SMG7: variants seen among roughly 807,000 people sequenced by gnomAD.
The protein encoded by SMG7 is nonsense-mediated mRNA decay factor SMG7.
Under a neutral mutation model 148.2 loss-of-function variants are expected in SMG7, and 34 were observed. That is an observed-to-expected ratio of 0.23 (90% CI 0.17 to 0.31). The LOEUF is 0.31. Among genes scored for constraint, SMG7 ranks in the 10% least tolerant of loss-of-function variants. The pLI, the probability that SMG7 is intolerant of heterozygous loss-of-function variation, is 1.00. For missense variants in SMG7, 1,114 were observed against 1,408.4 expected, an observed-to-expected ratio of 0.79 and a Z score of 3.35; for synonymous variants, 492 against 515.1, an observed-to-expected ratio of 0.96 and a Z score of 0.61.
At position 183,516,640 on chromosome 1, in the gene SMG7, G is replaced by A. The variant is rs1035124462; in HGVS notation, c.179+649G>A. 4.6e-5 allele frequency among the ~76,000 whole-genome samples: 7 copies of A among 152,180 alleles called. No individual in the cohort carries two copies. The South Asian group carries it at 1.4e-3, about 32-fold the overall frequency. On this transcript the variant is annotated intron_variant, in intron 3 of 22. Coordinates refer to ENST00000688051, the MANE Select transcript of SMG7 (RefSeq NM_001375584.1). ...ATAGAAATTTAAAAATCAATTAAGA[G>A]TACTTTGTCTACTAATGTCCGTTAC...
intron 17 of SMG7, among the ~76,000 whole-genome samples, chr1:183,546,635 G>A (rs1190426276): frequency 6.6e-6 from 1 of 152,124 alleles, no homozygotes; most frequent in East Asian, 1.9e-4. Flanking sequence ...CCTCTCAGTT[G>A]GGCTGAATCA....
chr1:183,501,580 T>C (rs1265364046), intron 1 of SMG7, among the ~76,000 whole-genome samples: 1 of 152,244 alleles, frequency 6.6e-6, no homozygotes, highest in East Asian at 1.9e-4. Context: ...TGACTTGATT[T>C]ACACCTGACA....
chr1:183,549,262 T>A lies in SMG7; in HGVS notation c.2947T>A (p.Ser983Thr). 6.2e-7 allele frequency: 1 copy of A among 1,613,590 alleles called. No individual in the cohort carries two copies. Among genetic ancestry groups the A allele is most frequent in the Non-Finnish European group, 8.5e-7 (1 of 1,179,562 alleles). ...ELMSHSSSFL[S>T]LTGFSLNQER... ...CATGTCACATTCATCCTCTTTCCTG[T>A]CCCTCACCGGATTCTCTCTCAATCA... Residue 983 changes from serine to threonine, a missense_variant, in exon 19 of 23, where the codon TCC (serine) becomes ACC (threonine). Coordinates refer to ENST00000688051, the MANE Select transcript of SMG7 (RefSeq NM_001375584.1).
At position 183,552,413 on chromosome 1, in the gene SMG7, A is replaced by T; in HGVS notation, c.*482A>T. On this transcript the variant is annotated 3_prime_UTR_variant, in exon 23 of 23. Coordinates refer to ENST00000688051, the MANE Select transcript of SMG7 (RefSeq NM_001375584.1). ...ATCTTTTATTATTATTACTCTCAGTAGTAAAATATCACACTGAATTCTTCC... is the reference window on the plus strand; with the variant it reads ...ATCTTTTATTATTATTACTCTCAGTTGTAAAATATCACACTGAATTCTTCC... The T allele has an allele frequency of 1.0e-6, 1 of 990,110 alleles. No individual in the cohort carries two copies. The highest frequency in any genetic ancestry group is 5.2e-4 in the Middle Eastern group (1 of 1,930). 61.3% of individuals were successfully genotyped at this position (990,110 alleles called of 1,614,324 possible). A position where few individuals can be genotyped will look rare whatever the true frequency, so the allele number is the denominator to read the frequency against.
In SMG7 at chr1:183,517,852, C is replaced by G. The variant is rs375694399; in HGVS notation, c.312+32C>G. 4 of 1,607,890 alleles carry G rather than the reference C, an allele frequency of 2.5e-6. No individual in the cohort carries two copies. The African/African-American group carries it at 5.4e-5, about 22-fold the overall frequency. On this transcript the variant is annotated intron_variant, in intron 4 of 22. Transcript: ENST00000688051. ...TCTGCATTGTATACCAGTTTTCTTA[C>G]TATTAGTGGTAAATATTCTGCTCTT...
rs1301928839 is a variant in SMG7 at position 183,483,324 on chromosome 1, A to T, written c.29+10675A>T. On this transcript the variant is annotated intron_variant, in intron 1 of 22. Transcript: ENST00000688051. ...GTCTGTTTTACTAATACTGCCTCTT[A>T]GAAAGGTTACGAATTATTTACTTTT... is the stretch of plus-strand genomic sequence containing the variant. 3.9e-5 allele frequency among the ~76,000 whole-genome samples: 6 copies of T among 152,154 alleles called. No individual in the cohort carries two copies. In the East Asian group the frequency reaches 1.2e-3, roughly 29 times the overall value.
At chr1:183,477,525 TGC>T in intron 1 of SMG7, among the ~76,000 whole-genome samples, 1 of 151,218 alleles carries the variant, frequency 6.6e-6, no homozygotes, top group East Asian at 1.9e-4. Context: ...TACATGTGTG[TGC>T]ATATGTGTAT....
At chr1:183,514,870 A>G (rs1486639668) in intron 2 of SMG7, among the ~76,000 whole-genome samples, 1 of 152,234 alleles carries the variant, frequency 6.6e-6, no homozygotes, top group Non-Finnish European at 1.5e-5. Context: ...ATTAACTCAA[A>G]TCCAGGAGAT....
At chr1:183,515,293 TTAAAA>T (rs1663222030) in intron 2 of SMG7, among the ~76,000 whole-genome samples, 1 of 152,180 alleles carries the variant, frequency 6.6e-6, no homozygotes. Flanking sequence ...CTACCGCTCA[TTAAAA>T]TAATACTGTC....
chr1:183,498,842 T>G (rs529866245), intron 1 of SMG7, among the ~76,000 whole-genome samples: 1 of 152,350 alleles, frequency 6.6e-6, no homozygotes, highest in East Asian at 1.9e-4. Context: ...TGTAATGACA[T>G]GTATCCACCG....
rs758597041 is a variant in SMG7 at position 183,550,763 on chromosome 1, C to G, written c.3146C>G (p.Pro1049Arg). 3.1e-6 allele frequency: 5 copies of G among 1,613,858 alleles called. No homozygotes were observed. Among genetic ancestry groups the G allele is most frequent in the Non-Finnish European group, 3.4e-6 (4 of 1,179,812 alleles). The change falls in exon 21 of 23, where the codon CCA (proline) becomes CGA (arginine). Residue 1049 changes from proline (P) to arginine (R), a missense_variant. By Grantham distance (103) the Pro-to-Arg change is moderately radical. Coordinates refer to ENST00000688051, the MANE Select transcript of SMG7 (RefSeq NM_001375584.1). Reference protein sequence around the residue: ...SLPASSDHSTPASQSPHSSNP... With the variant: ...SLPASSDHSTRASQSPHSSNP... Reference sequence around the variant, plus strand: ...TATTATTTAATAGATCATTCAACACCAGCCAGCCAGTCTCCTCATTCCTCT... The same window carrying G: ...TATTATTTAATAGATCATTCAACACGAGCCAGCCAGTCTCCTCATTCCTCT...
intron 4 of SMG7, among the ~76,000 whole-genome samples, chr1:183,523,496 A>C (rs1219306944): frequency 6.6e-6 from 1 of 152,224 alleles, no homozygotes; most frequent in Non-Finnish European, 1.5e-5. Flanking sequence ...CCCAGTCAAT[A>C]CTTCTGTATA....
intron 1 of SMG7, among the ~76,000 whole-genome samples, chr1:183,479,760 G>GT (rs1394045432): frequency 6.6e-6 from 1 of 152,182 alleles, no homozygotes; most frequent in Non-Finnish European, 1.5e-5. Flanking sequence ...AAGGTATTAT[G>GT]TAAGTATAGG....
intron 1 of SMG7, among the ~76,000 whole-genome samples, chr1:183,482,614 A>C (rs1400685665): frequency 1.3e-5 from 2 of 152,104 alleles, no homozygotes; most frequent in African/African-American, 2.4e-5. Context: ...ATTTTGAGAG[A>C]GTGAGAGACC....
At chr1:183,499,737 C>A (rs551858000) in intron 1 of SMG7, among the ~76,000 whole-genome samples, 1 of 152,228 alleles carries the variant, frequency 6.6e-6, no homozygotes, top group East Asian at 1.9e-4. Context: ...CTTGTAATGT[C>A]CCTTTGTCAG....
At chr1:183,485,809 A>G (rs1004095183) in intron 1 of SMG7, among the ~76,000 whole-genome samples, 3 of 152,220 alleles carry the variant, frequency 2.0e-5, no homozygotes, top group African/African-American at 7.2e-5. Context: ...ATCTTGGATA[A>G]TAACTTGCTT....
chr1:183,530,055 T>G (rs1666585063), intron 8 of SMG7, among the ~76,000 whole-genome samples: 1 of 152,118 alleles, frequency 6.6e-6, no homozygotes. Flanking sequence ...ATTAGTATGT[T>G]AAGATATTAG....
intron 1 of SMG7, chr1:183,507,990 G>T (rs1425619546): frequency 6.3e-6 from 1 of 159,330 alleles, no homozygotes; most frequent in East Asian, 1.9e-4. Context: ...TGAAATCATG[G>T]TGATTTTATT....
chr1:183,514,533 G>A (rs1425689358), intron 2 of SMG7, among the ~76,000 whole-genome samples: 2 of 152,170 alleles, frequency 1.3e-5, no homozygotes, highest in South Asian at 2.1e-4. Context: ...AATCTATTGT[G>A]TGATGAAAAC....
Sources: allele counts gnomAD v4.1 joint callset (sites outside exome capture counted in the v4.1 genomes callset), GRCh38; gene constraint gnomAD v4.1.1; transcripts MANE v1.5; gene names NCBI Gene and HGNC (gene_info 2026-07-23, HGNC 2026-07-21).